ZFAND3: variants seen among roughly 807,000 people sequenced by gnomAD.
ZFAND3 encodes the protein AN1-type zinc finger protein 3.
A neutral mutation model predicts 29.6 loss-of-function variants in ZFAND3; 10 were observed. The ratio of observed to expected loss-of-function variants is 0.34; its 90% confidence interval spans 0.21 to 0.57. The LOEUF is 0.57. ZFAND3 is among the 20% of genes least tolerant of loss of function. ZFAND3 has a pLI of 0.86. For missense variants in ZFAND3, 230 were observed against 304.5 expected, an observed-to-expected ratio of 0.76 and a Z score of 1.82; for synonymous variants, 128 against 112.6, an observed-to-expected ratio of 1.14 and a Z score of -0.87.
intron 1 of ZFAND3, among the ~76,000 whole-genome samples, chr6:37,895,459 C>CTTTTTTTTTTTTTTTTTTTT (rs11331881): frequency 6.5e-5 from 5 of 76,772 alleles, no homozygotes; most frequent in Non-Finnish European, 9.5e-5. Flanking sequence ...CTCAGAGGTT[C>CTTTTTTTTTTTTTTTTTTTT]TTTTTTTTTT....
chr6:37,988,977 T>G (rs1260151551), intron 2 of ZFAND3, among the ~76,000 whole-genome samples: 3 of 152,112 alleles, frequency 2.0e-5, no homozygotes, highest in Admixed American at 2.0e-4. Context: ...CGGTCTCAGC[T>G]CACTGCAATT....
intron 5 of ZFAND3, among the ~76,000 whole-genome samples, chr6:38,129,547 C>T (rs1765703622): frequency 6.6e-6 from 1 of 152,162 alleles, no homozygotes; most frequent in African/African-American, 2.4e-5. Flanking sequence ...ATGTGGCTAG[C>T]CAATTATCCT....
chr6:37,908,336 A>G (rs976588082), intron 1 of ZFAND3, among the ~76,000 whole-genome samples: 1 of 152,170 alleles, frequency 6.6e-6, no homozygotes. Flanking sequence ...AATACCTTAA[A>G]TGCTTTATTT....
intron 3 of ZFAND3, among the ~76,000 whole-genome samples, chr6:38,062,960 G>A (rs530550270): frequency 7.9e-4 from 120 of 151,804 alleles, no homozygotes; most frequent in Non-Finnish European, 1.5e-3. Context: ...GTGGTGGTGT[G>A]TGTTTATGGT....
At position 38,079,279 on chromosome 6, in the gene ZFAND3, A is replaced by G. The variant is rs142687905; in HGVS notation, c.296-3113A>G. ...TTACTGCCAGTTACTCTTGCTGTCA[A>G]TTTGTCTTGGCTCAACTATGGTTCC... On this transcript the variant is annotated intron_variant, in intron 3 of 5. Coordinates refer to ENST00000287218, the MANE Select transcript of ZFAND3 (RefSeq NM_021943.3). 3.2e-4 allele frequency among the ~76,000 whole-genome samples: 48 copies of G among 152,274 alleles called. 1 individual carries two copies. The East Asian group carries it at 7.5e-3, about 24-fold the overall frequency.
chr6:38,007,087 T>G (rs866808743), intron 2 of ZFAND3, among the ~76,000 whole-genome samples: 16 of 152,208 alleles, frequency 1.1e-4, no homozygotes, highest in Admixed American at 6.5e-5. Flanking sequence ...GACATACACT[T>G]GCCAACTTTT....
chr6:38,064,639 G>C lies in ZFAND3; in HGVS notation c.295+2864G>C, dbSNP rs376439629. ...CATCATAACCAAGAGTTACTTGCCA[G>C]TTTAGGCCACTGTAGACTGCTATGG... On this transcript the variant is annotated intron_variant, in intron 3 of 5. Transcript: ENST00000287218. Among the ~76,000 whole-genome samples the C allele has an allele frequency of 4.1e-5, 6 of 144,752 alleles. No homozygotes were observed. In the East Asian group the frequency reaches 1.2e-3, roughly 30 times the overall value. The allele number at this position is 144,752 out of a possible 152,430, so 95.0% of individuals were successfully genotyped here.
chr6:38,013,413 A>T (rs1417931838), intron 2 of ZFAND3, among the ~76,000 whole-genome samples: 2 of 152,150 alleles, frequency 1.3e-5, no homozygotes, highest in Non-Finnish European at 2.9e-5. Flanking sequence ...CCATGTTCTT[A>T]TTCATGTTGA....
chr6:38,093,856 G>A (rs376125414), intron 4 of ZFAND3, among the ~76,000 whole-genome samples: 2 of 152,080 alleles, frequency 1.3e-5, no homozygotes, highest in African/African-American at 2.4e-5. Flanking sequence ...AGACAGGGTC[G>A]GGCATTTTTT....
In ZFAND3 at chr6:38,030,535, G is replaced by T. The variant is rs76200165; in HGVS notation, c.113-31058G>T. On this transcript the variant is annotated intron_variant, in intron 2 of 5. Transcript: ENST00000287218. Reference sequence around the variant, plus strand: ...GCTACCCCAAACTAAAGTATTCAGAGAAAAGGACACATTTCATTCCAAGAA... The same window carrying T: ...GCTACCCCAAACTAAAGTATTCAGATAAAAGGACACATTTCATTCCAAGAA... Among the ~76,000 whole-genome samples the T allele has an allele frequency of 2.0e-4, 31 of 152,202 alleles. No homozygotes were observed. The East Asian group carries it at 5.6e-3, about 28-fold the overall frequency.
intron 5 of ZFAND3, among the ~76,000 whole-genome samples, chr6:38,118,015 A>C (rs1329795567): frequency 6.6e-6 from 1 of 152,222 alleles, no homozygotes; most frequent in African/African-American, 2.4e-5. Flanking sequence ...AACCGGAACC[A>C]GCATGGGGAG....
intron 2 of ZFAND3, among the ~76,000 whole-genome samples, chr6:38,019,693 C>T (rs183890925): frequency 3.3e-5 from 5 of 152,216 alleles, no homozygotes; most frequent in South Asian, 2.1e-4. Flanking sequence ...TGATGAAAGA[C>T]ATCTTAAACA....
At chr6:38,102,546 G>A (rs764466296) in intron 4 of ZFAND3, among the ~76,000 whole-genome samples, 7 of 152,130 alleles carry the variant, frequency 4.6e-5, no homozygotes, top group Non-Finnish European at 7.4e-5. Flanking sequence ...AGGTGTTGGG[G>A]TACAGCATTA....
intron 2 of ZFAND3, among the ~76,000 whole-genome samples, chr6:38,053,034 GAAA>G (rs532652816): frequency 6.8e-5 from 7 of 103,098 alleles, no homozygotes; most frequent in African/African-American, 2.2e-4. Flanking sequence ...ACTCCATTTC[GAAA>G]AAAAAAAAAA....
chr6:37,977,903 CTCTTCCTTTCTTCCTTTCTTCCGT>C (rs1263457529), intron 2 of ZFAND3, among the ~76,000 whole-genome samples: 3 of 116,638 alleles, frequency 2.6e-5, no homozygotes, highest in Non-Finnish European at 5.3e-5. Flanking sequence ...CTCTCCTCTC[CTCTTCCTTTCTTCCTTTCTTCCGT>C]TCTTCCTTTC....
At chr6:38,038,475 A>G (rs1763701381) in intron 2 of ZFAND3, among the ~76,000 whole-genome samples, 1 of 152,176 alleles carries the variant, frequency 6.6e-6, no homozygotes, top group Admixed American at 6.5e-5. Flanking sequence ...TACCATTTTA[A>G]TTGGGTTTGG....
intron 2 of ZFAND3, among the ~76,000 whole-genome samples, chr6:38,034,729 CAA>C (rs1763626059): frequency 6.6e-6 from 1 of 152,122 alleles, no homozygotes; most frequent in Admixed American, 6.5e-5. Flanking sequence ...TTGATCTAGA[CAA>C]AAGAGGAATT....
chr6:37,993,984 C>G (rs1383023261), intron 2 of ZFAND3, among the ~76,000 whole-genome samples: 1 of 152,090 alleles, frequency 6.6e-6, no homozygotes, highest in African/African-American at 2.4e-5. Flanking sequence ...CGTTATCGAA[C>G]TACCATTCCA....
At chr6:37,934,069 G>A (rs1200989839) in intron 2 of ZFAND3, among the ~76,000 whole-genome samples, 1 of 151,602 alleles carries the variant, frequency 6.6e-6, no homozygotes, top group African/African-American at 2.4e-5. Flanking sequence ...TGTGTTTTTA[G>A]TAGAGACAGA....
Sources: gnomAD v4.1 joint callset for allele counts (sites outside exome capture counted in the v4.1 genomes callset) on GRCh38, gnomAD v4.1.1 for gene constraint, MANE v1.5 for transcripts, NCBI Gene and HGNC (gene_info 2026-07-23, HGNC 2026-07-21) for gene names.